Variants in EYA1 observed in about 807,000 individuals in gnomAD.
EYA1 encodes EYA transcriptional coactivator and phosphatase 1.
EYA1 carries 16 observed loss-of-function variants against 82.0 expected under a neutral mutation model. That is an observed-to-expected ratio of 0.20 (90% CI 0.13 to 0.30). The LOEUF (loss-of-function observed/expected upper bound fraction) is 0.30. Ranked by LOEUF, EYA1 falls within the 10% of genes least tolerant of loss-of-function variation. EYA1 has a pLI of 1.00. For synonymous variants in EYA1, 261 were observed against 264.4 expected (o/e 0.99, Z 0.12); for missense variants, 633 against 730.7 (o/e 0.87, Z 1.54).
chr8:71,256,407 C>T (rs568351587), intron 11 of EYA1, among the ~76,000 whole-genome samples: 13 of 152,218 alleles, frequency 8.5e-5, no homozygotes, highest in African/African-American at 1.4e-4. Flanking sequence ...TGTTATAACA[C>T]GGATGAACCT....
At chr8:71,535,148 A>C (rs1032295784) in intron 2 of EYA1, among the ~76,000 whole-genome samples, 1 of 152,204 alleles carries the variant, frequency 6.6e-6, no homozygotes, top group African/African-American at 2.4e-5. Context: ...ATGACCCCTA[A>C]TTGGGAATAT....
chr8:71,251,714 C>G (rs1813767656), intron 11 of EYA1, among the ~76,000 whole-genome samples: 1 of 152,126 alleles, frequency 6.6e-6, no homozygotes, highest in East Asian at 1.9e-4. Context: ...ATCCCATTGC[C>G]TCAAGATCTC....
rs573631295 is a variant in EYA1 at position 71,360,061 on chromosome 8, T to C, written c.-55+1586A>G. On this transcript the variant is annotated intron_variant, in intron 1 of 17. Coordinates refer to ENST00000340726, the MANE Select transcript of EYA1 (RefSeq NM_000503.6). ...ATTGAAATGAAGTTCTAGGGAGACG[T>C]CAATGTTTTTTAAATGTTAACACTA... Among the ~76,000 whole-genome samples the C allele has an allele frequency of 1.1e-3, 164 of 152,272 alleles. 2 individuals carry two copies. The highest frequency in any genetic ancestry group is 3.8e-3 in the African/African-American group (160 of 41,564).
At chr8:71,211,090 C>T in intron 17 of EYA1, 66 bp downstream of exon 17, 1 of 963,838 alleles carries the variant, frequency 1.0e-6, no homozygotes, top group Non-Finnish European at 1.7e-6. Flanking sequence ...TTAAATGATC[C>T]AGTTATGAGA....
At chr8:71,234,597 C>G (rs1811606845) in intron 12 of EYA1, among the ~76,000 whole-genome samples, 1 of 152,178 alleles carries the variant, frequency 6.6e-6, no homozygotes, top group Admixed American at 6.5e-5. Flanking sequence ...ATAGCTCATA[C>G]TTTTCCACCT....
At chr8:71,245,535 AT>A (rs71264548) in intron 11 of EYA1, among the ~76,000 whole-genome samples, 47,744 of 145,316 alleles carry the variant, frequency 0.33, 7,737 homozygotes, top group Middle Eastern at 0.35. Flanking sequence ...CTAAGTGATG[AT>A]TTTTTTTTTT....
intron 2 of EYA1, among the ~76,000 whole-genome samples, chr8:71,437,055 C>CATAT (rs34634844): frequency 0.03 from 4,364 of 144,554 alleles, 208 homozygotes; most frequent in African/African-American, 0.094. Context: ...TGTATATCTA[C>CATAT]ATATATATAT....
intron 2 of EYA1, chr8:71,404,563 C>G (rs1226736020): frequency 6.6e-6 from 1 of 152,114 alleles, no homozygotes. Flanking sequence ...GTAAAACTGA[C>G]AGAACACATC....
chr8:71,256,249 C>T (rs893644940), intron 11 of EYA1, among the ~76,000 whole-genome samples: 2 of 152,112 alleles, frequency 1.3e-5, no homozygotes, highest in Non-Finnish European at 1.5e-5. Context: ...AGACATTTTG[C>T]ATACTCATAT....
At chr8:71,398,144 T>C (rs982221463) in intron 2 of EYA1, among the ~76,000 whole-genome samples, 3 of 152,196 alleles carry the variant, frequency 2.0e-5, no homozygotes, top group Admixed American at 6.5e-5. Context: ...CCCCATCAGG[T>C]CATTTAAGGA....
intron 7 of EYA1, among the ~76,000 whole-genome samples, chr8:71,302,186 T>C (rs1820271044): frequency 1.3e-5 from 2 of 152,220 alleles, no homozygotes; most frequent in Admixed American, 6.5e-5. Flanking sequence ...ATTTTTAGGT[T>C]ACGACTTGCT....
At chr8:71,264,579 A>ATT (rs35415877) in intron 11 of EYA1, among the ~76,000 whole-genome samples, 5 of 142,402 alleles carry the variant, frequency 3.5e-5, no homozygotes, top group Admixed American at 7.0e-5. Context: ...GAGCAATTCA[A>ATT]TTTTTTTTTT....
intron 2 of EYA1, among the ~76,000 whole-genome samples, chr8:71,437,676 G>T (rs1806113070): frequency 6.6e-6 from 1 of 151,728 alleles, no homozygotes; most frequent in South Asian, 2.1e-4. Context: ...TTTAACAAAA[G>T]CCCAACAAAT....
chr8:71,356,573 T>C (rs1826902969), intron 1 of EYA1, 62 bp from the exon 2 acceptor site: 1 of 1,539,512 alleles, frequency 6.5e-7, no homozygotes, highest in Admixed American at 2.0e-5. Context: ...CAGCTCTTAA[T>C]TATACAGAGC....
At chr8:71,341,541 T>C (rs1022573075) in intron 3 of EYA1, among the ~76,000 whole-genome samples, 1 of 152,226 alleles carries the variant, frequency 6.6e-6, no homozygotes, top group Non-Finnish European at 1.5e-5. Flanking sequence ...TCTAAATGCA[T>C]GATTGACTCA....
At chr8:71,243,597 G>A (rs1812743340) in intron 12 of EYA1, among the ~76,000 whole-genome samples, 2 of 152,132 alleles carry the variant, frequency 1.3e-5, no homozygotes, top group South Asian at 4.1e-4. Context: ...TAGTTTCATT[G>A]CAGATGAAAA....
chr8:71,366,539 T>C (rs1207705423), upstream of EYA1, among the ~76,000 whole-genome samples: 1 of 152,140 alleles, frequency 6.6e-6, no homozygotes, highest in Non-Finnish European at 1.5e-5. Flanking sequence ...TCCCAAAACA[T>C]GTAAGAGGAT....
intron 12 of EYA1, among the ~76,000 whole-genome samples, chr8:71,232,844 C>G (rs1811357910): frequency 1.3e-5 from 2 of 152,132 alleles, no homozygotes; most frequent in African/African-American, 4.8e-5. Context: ...CAGCATTCTG[C>G]ATGTAGAAGA....
At chr8:71,481,063 A>G (rs372576907) in intron 2 of EYA1, among the ~76,000 whole-genome samples, 1 of 152,180 alleles carries the variant, frequency 6.6e-6, no homozygotes, top group Non-Finnish European at 1.5e-5. Flanking sequence ...TTGTATACAT[A>G]TTAGAATATT....
Sources: allele counts gnomAD v4.1 joint callset (sites outside exome capture counted in the v4.1 genomes callset), GRCh38; gene constraint gnomAD v4.1.1; transcripts MANE v1.5; gene names NCBI Gene and HGNC (gene_info 2026-07-23, HGNC 2026-07-21).